The following NBAS variants were observed in gnomAD, a reference collection of about 807,000 sequenced individuals.
NBAS encodes NBAS subunit of NRZ tethering complex.
Under a neutral mutation model 302.5 loss-of-function variants are expected in NBAS, and 219 were observed. The observed-to-expected ratio is 0.72, with a 90% CI of 0.65 to 0.81. NBAS has a LOEUF of 0.81. NBAS is among the 30% of genes least tolerant of loss of function. NBAS has a pLI of 0.00. For missense variants in NBAS, 2,932 were observed against 2,841.6 expected (o/e 1.03, Z -0.72); for synonymous variants, 1,118 against 1,021.6 (o/e 1.09, Z -1.80).
intron 20 of NBAS, 123 bp downstream of exon 20, chr2:15,461,564 A>T (rs1558360984): frequency 2.6e-6 from 2 of 763,296 alleles, no homozygotes; most frequent in Non-Finnish European, 4.3e-6. Context: ...TTTTCTCTAC[A>T]CTTATTAATA....
chr2:15,317,153 G>A lies in NBAS; in HGVS notation c.4583-7906C>T, dbSNP rs534139862. ...AAACTCCAACGGACCTACAGCTGAG[G>A]AACCTGACTCTTAGAAGGAAAACTA... On this transcript the variant is annotated intron_variant, in intron 38 of 51. Transcript: ENST00000281513. 1.2e-4 allele frequency among the ~76,000 whole-genome samples: 18 copies of A among 152,318 alleles called. No individual in the cohort carries two copies. The South Asian group carries it at 3.3e-3, about 28-fold the overall frequency.
chr2:15,011,126 T>C, the NBAS span, among the ~76,000 whole-genome samples: 2 of 152,232 alleles, frequency 1.3e-5, no homozygotes, highest in African/African-American at 4.8e-5. Context: ...AGGCTTGAGT[T>C]ACATTTTCTC....
the NBAS span, among the ~76,000 whole-genome samples, chr2:15,002,781 CT>C: frequency 6.6e-6 from 1 of 152,208 alleles, no homozygotes; most frequent in African/African-American, 2.4e-5. Context: ...GGGCCGGGTG[CT>C]AAGCCCCTCA....
the NBAS span, among the ~76,000 whole-genome samples, chr2:14,910,107 T>C: frequency 1.3e-5 from 2 of 152,190 alleles, no homozygotes; most frequent in African/African-American, 4.8e-5. Context: ...TATGAGAATT[T>C]GGGTTTCACC....
the NBAS span, among the ~76,000 whole-genome samples, chr2:14,794,555 T>G: frequency 2.6e-5 from 4 of 152,176 alleles, no homozygotes; most frequent in African/African-American, 9.7e-5. Flanking sequence ...AATAAATGTT[T>G]ATGTTTTATT....
chr2:15,247,795 G>T (rs377100299), intron 44 of NBAS, among the ~76,000 whole-genome samples: 2 of 149,210 alleles, frequency 1.3e-5, no homozygotes, highest in Non-Finnish European at 3.0e-5. Flanking sequence ...ATGACAATAC[G>T]GGCTCATAAA....
chr2:14,876,087 T>G, the NBAS span, among the ~76,000 whole-genome samples: 1 of 152,220 alleles, frequency 6.6e-6, no homozygotes, highest in East Asian at 1.9e-4. Context: ...GGGATTGACC[T>G]CTGCCATTCC....
chr2:14,858,178 T>C, the NBAS span, among the ~76,000 whole-genome samples: 85,426 of 151,792 alleles, frequency 0.56, 26,376 homozygotes, highest in African/African-American at 0.84. Flanking sequence ...CAAATACTGG[T>C]GAAGAGAAAG....
At chr2:15,097,141 C>A in the NBAS span, among the ~76,000 whole-genome samples, 1 of 152,116 alleles carries the variant, frequency 6.6e-6, no homozygotes, top group East Asian at 1.9e-4. Flanking sequence ...ATTTATGTAG[C>A]ACCTTCTGTC....
At chr2:14,798,107 A>G in the NBAS span, among the ~76,000 whole-genome samples, 1 of 152,120 alleles carries the variant, frequency 6.6e-6, no homozygotes, top group South Asian at 2.1e-4. Context: ...GCCTTATTCT[A>G]ATACCTAAAC....
At chr2:15,288,981 C>A (rs1392249995) in intron 41 of NBAS, among the ~76,000 whole-genome samples, 1 of 152,144 alleles carries the variant, frequency 6.6e-6, no homozygotes, top group South Asian at 2.1e-4. Flanking sequence ...AATGCTAAAA[C>A]CATTCTTTGT....
the NBAS span, among the ~76,000 whole-genome samples, chr2:15,123,072 C>G: frequency 6.6e-6 from 1 of 152,228 alleles, no homozygotes. Context: ...CCCCCAGGAA[C>G]AGCTCAGAGC....
the NBAS span, among the ~76,000 whole-genome samples, chr2:15,034,061 GAGGGGA>G: frequency 2.2e-5 from 2 of 92,088 alleles, no homozygotes; most frequent in African/African-American, 1.0e-4. Flanking sequence ...GGAGGAGGAG[GAGGGGA>G]AGGAGAGGAA....
At chr2:14,801,249 T>G in the NBAS span, among the ~76,000 whole-genome samples, 1 of 152,088 alleles carries the variant, frequency 6.6e-6, no homozygotes, top group Non-Finnish European at 1.5e-5. Flanking sequence ...GGCTTGGATA[T>G]TTTTCTGATT....
rs1182477076 is a variant in NBAS, at chr2:15,561,281, C to T, written c.24G>A (p.Pro8=). 3.1e-6 allele frequency: 5 copies of T among 1,613,674 alleles called. No homozygotes were observed. Among genetic ancestry groups the T allele is most frequent in the African/African-American group, 1.3e-5 (1 of 75,040 alleles). MAAPESG[P]ALSPGTAEGE... ...CCTCTGCAGTGCCTGGACTCAAAGC[C>T]GGCCCTGACTCGGGGGCCGCCATGT... The change falls in exon 1 of 52, where the codon CCG becomes CCA. Residue 8 remains proline (P), a synonymous_variant. Transcript: ENST00000281513.
intron 48 of NBAS, 81 bp from the exon 49 acceptor site, chr2:15,190,484 T>C: frequency 6.7e-7 from 1 of 1,502,138 alleles, no homozygotes; most frequent in Non-Finnish European, 9.0e-7. Flanking sequence ...TTATTTTAAT[T>C]AAACTTTTTT....
intron 38 of NBAS, among the ~76,000 whole-genome samples, chr2:15,326,030 C>G (rs1672048654): frequency 6.6e-6 from 1 of 152,072 alleles, no homozygotes; most frequent in Non-Finnish European, 1.5e-5. Flanking sequence ...GTGGAGCAGT[C>G]AAAACACACA....
At chr2:15,533,065 A>G (rs1185802855) in intron 9 of NBAS, among the ~76,000 whole-genome samples, 2 of 152,022 alleles carry the variant, frequency 1.3e-5, no homozygotes, top group African/African-American at 4.8e-5. Context: ...AACCAGAGTG[A>G]CATGTTCTTT....
chr2:15,469,290 T>A (rs1003959975), intron 16 of NBAS, among the ~76,000 whole-genome samples: 4 of 152,214 alleles, frequency 2.6e-5, no homozygotes, highest in Admixed American at 2.6e-4. Context: ...TAAATTGTGA[T>A]GTTAGGGTGT....
Sources: gnomAD v4.1 joint callset for allele counts (sites outside exome capture counted in the v4.1 genomes callset) on GRCh38, gnomAD v4.1.1 for gene constraint, MANE v1.5 for transcripts, NCBI Gene and HGNC (gene_info 2026-07-23, HGNC 2026-07-21) for gene names.